The following MTSS1 variants were observed in gnomAD, a reference collection of about 807,000 sequenced individuals.
The protein encoded by MTSS1 is protein MTSS 1.
A neutral mutation model predicts 79.0 loss-of-function variants in MTSS1; 18 were observed. The ratio of observed to expected loss-of-function variants is 0.23; its 90% CI spans 0.16 to 0.34. The LOEUF (loss-of-function observed/expected upper bound fraction) is 0.34, where lower values mean the gene tolerates loss of function less well. Ranked by LOEUF, MTSS1 falls within the 10% of genes least tolerant of loss-of-function variation. The pLI is 1.00. For synonymous variants in MTSS1, 341 were observed against 368.6 expected, an observed-to-expected ratio of 0.93 and a Z score of 0.86; for missense variants, 815 against 986.2, an observed-to-expected ratio of 0.83 and a Z score of 2.33.
chr8:124,642,420 T>C (rs1238506885), intron 3 of MTSS1, among the ~76,000 whole-genome samples: 2 of 152,104 alleles, frequency 1.3e-5, no homozygotes, highest in Admixed American at 6.5e-5. Flanking sequence ...CCCTTTGAAG[T>C]TTCAGTTAGC....
At chr8:124,695,867 G>GTT (rs1337150313) in intron 3 of MTSS1, among the ~76,000 whole-genome samples, 15 of 102,694 alleles carry the variant, frequency 1.5e-4, no homozygotes, top group African/African-American at 3.7e-4. Context: ...AACTAGTGTT[G>GTT]TTTTTTTTTT....
At chr8:124,599,886 A>G (rs1335187596) in intron 3 of MTSS1, among the ~76,000 whole-genome samples, 3 of 152,320 alleles carry the variant, frequency 2.0e-5, no homozygotes, top group Non-Finnish European at 4.4e-5. Flanking sequence ...ACTATCGTCT[A>G]AATGAGCAGG....
intron 3 of MTSS1, among the ~76,000 whole-genome samples, chr8:124,640,889 G>A (rs567899656): frequency 3.9e-5 from 6 of 152,022 alleles, no homozygotes; most frequent in Non-Finnish European, 8.8e-5. Context: ...TATTTATACT[G>A]ATTGTCTCAA....
At chr8:124,642,585 T>C (rs1380533792) in intron 3 of MTSS1, among the ~76,000 whole-genome samples, 6 of 151,156 alleles carry the variant, frequency 4.0e-5, no homozygotes, top group Admixed American at 3.9e-4. Flanking sequence ...TCTGGGTTTT[T>C]TCTTTTTTCT....
At chr8:124,616,351 A>T (rs1184538893) in intron 3 of MTSS1, among the ~76,000 whole-genome samples, 1 of 145,834 alleles carries the variant, frequency 6.9e-6, no homozygotes, top group Non-Finnish European at 1.5e-5. Context: ...GCTGTTGTTA[A>T]GTGTGCCTGT....
At chr8:124,642,279 C>G (rs1056219721) in intron 3 of MTSS1, among the ~76,000 whole-genome samples, 1 of 152,196 alleles carries the variant, frequency 6.6e-6, no homozygotes, top group Non-Finnish European at 1.5e-5. Flanking sequence ...AAAGCTTTCA[C>G]TCACTGTAAA....
In MTSS1 at chr8:124,565,669, C is replaced by T. The variant is rs1365347693; in HGVS notation, c.817G>A (p.Val273Ile). The change falls in exon 9 of 14, where the codon GTC becomes ATC. Residue 273 changes from valine (V) to isoleucine (I), a missense_variant. This residue lies in a region of MTSS1 where 225 missense variants were observed against 365.4 expected (regional missense o/e 0.62). Transcript: ENST00000518547. The part of the protein sequence containing the change: ...PSTTMSRKSS[V>I]CSSLNSVNSS... ...GACCCCGGCTTCACTCACCTGCAGA[C>T]ACTGGACTTTCTGGACATGGTGGTG... is the stretch of plus-strand genomic sequence containing the variant. 1 of 1,613,846 alleles carries T rather than the reference C, an allele frequency of 6.2e-7. No individual in the cohort carries two copies. The highest frequency in any genetic ancestry group is 8.5e-7 in the Non-Finnish European group (1 of 1,179,770).
At chr8:124,706,701 C>T (rs183774990) in intron 1 of MTSS1, among the ~76,000 whole-genome samples, 98 of 152,334 alleles carry the variant, frequency 6.4e-4, no homozygotes, top group African/African-American at 2.1e-3. Flanking sequence ...CACGACATGA[C>T]CTCCATCCCA....
chr8:124,599,280 T>G (rs1833325400), intron 3 of MTSS1, among the ~76,000 whole-genome samples: 3 of 152,156 alleles, frequency 2.0e-5, no homozygotes, highest in Non-Finnish European at 4.4e-5. Flanking sequence ...GGTCAGGAGT[T>G]TGAGACCAGC....
At chr8:124,558,396 G>A (rs568141123) in intron 10 of MTSS1, among the ~76,000 whole-genome samples, 129 of 152,210 alleles carry the variant, frequency 8.5e-4, no homozygotes, top group Non-Finnish European at 1.3e-3. Flanking sequence ...TCATCCAACG[G>A]TCTGGTGGGT....
chr8:124,580,569 G>C (rs1829847790), intron 6 of MTSS1: 1 of 1,535,846 alleles, frequency 6.5e-7, no homozygotes, highest in Non-Finnish European at 8.7e-7. Context: ...TCCACTGGCG[G>C]GGGGGCACAC....
At position 124,657,870 on chromosome 8, in the gene MTSS1, T is replaced by C. The variant is rs139278309; in HGVS notation, c.208+41656A>G. On this transcript the variant is annotated intron_variant, in intron 3 of 13. Transcript: ENST00000518547. ...TACTGTGGACTAAGTGTTTGTGTCC[T>C]CCCCCAAAATTCTCATGTTGAAATC... Among the ~76,000 whole-genome samples, 520 of 152,286 alleles carry C rather than the reference T, an allele frequency of 3.4e-3. 2 individuals are homozygous for C. The highest frequency in any genetic ancestry group is 5.7e-3 in the Non-Finnish European group (386 of 68,022).
chr8:124,574,016 A>C lies in MTSS1; in HGVS notation c.461-5480T>G, dbSNP rs997926720. On this transcript the variant is annotated intron_variant, in intron 6 of 13. Transcript: ENST00000518547. ...AGGAAGGAATTTTTTTTTTTGAGAC[A>C]GAGTCTCGCTCTGTTGCCTAGGCTG... Among the ~76,000 whole-genome samples the C allele has an allele frequency of 2.6e-5, 4 of 152,068 alleles. No individual in the cohort carries two copies. In the East Asian group the frequency reaches 7.7e-4, roughly 29 times the overall value.
At chr8:124,558,488 T>C (rs7830235) in intron 10 of MTSS1, among the ~76,000 whole-genome samples, 1 of 152,046 alleles carries the variant, frequency 6.6e-6, no homozygotes, top group African/African-American at 2.4e-5. Flanking sequence ...AAATTCCCCA[T>C]ACCCCTTCCT....
At chr8:124,611,794 CA>C (rs1257209456) in intron 3 of MTSS1, among the ~76,000 whole-genome samples, 1 of 152,146 alleles carries the variant, frequency 6.6e-6, no homozygotes, top group African/African-American at 2.4e-5. Context: ...TCTACCATCC[CA>C]AAAGAAGACT....
At chr8:124,615,969 C>G (rs1033411933) in intron 3 of MTSS1, among the ~76,000 whole-genome samples, 2 of 152,170 alleles carry the variant, frequency 1.3e-5, no homozygotes, top group Non-Finnish European at 2.9e-5. Flanking sequence ...CCATGGCCTT[C>G]GACCTTCAGG....
rs747889430 is a variant in MTSS1, at chr8:124,582,028, T to C, written c.460+3059A>G. On this transcript the variant is annotated intron_variant, in intron 6 of 13. Coordinates refer to ENST00000518547, the MANE Select transcript of MTSS1 (RefSeq NM_014751.6). The surrounding 1 kb of genome is among the most constrained non-coding windows in gnomAD (Gnocchi z 4.8). The stretch of plus-strand genomic sequence containing the variant: ...GCTCCACACCATCTCCCCAGCATCC[T>C]GCCGCCTCCGTCCCTCCACCTGTCG... Among the ~76,000 whole-genome samples the C allele has an allele frequency of 2.0e-5, 3 of 152,132 alleles. No homozygotes were observed. Among genetic ancestry groups the C allele is most frequent in the African/African-American group, 4.8e-5 (2 of 41,438 alleles).
intron 1 of MTSS1, among the ~76,000 whole-genome samples, chr8:124,710,842 A>G (rs879501139): frequency 2.2e-4 from 34 of 152,190 alleles, no homozygotes; most frequent in Non-Finnish European, 3.1e-4. Context: ...AGAAAGGGCA[A>G]CTTGGGAGGA....
chr8:124,591,222 C>T lies in MTSS1; in HGVS notation c.222G>A (p.Glu74=). Residue 74 remains glutamate, a synonymous_variant, in exon 4 of 14, where the codon GAG becomes GAA. Transcript: ENST00000518547. The stretch of plus-strand genomic sequence containing the variant: ...ACATCCTGGTGAGAGCAGATCCAAT[C>T]TCCCTGGTCCCACCTGAAAAAGCAA... ...MATNTRGGTR[E]IGSALTRMCM... is the part of the protein sequence containing the mutation. The T allele has an allele frequency of 6.2e-7, 1 of 1,614,184 alleles. No individual in the cohort carries two copies. The highest frequency in any genetic ancestry group is 8.5e-7 in the Non-Finnish European group (1 of 1,180,008).
Sources: gnomAD v4.1 joint callset for allele counts (sites outside exome capture counted in the v4.1 genomes callset) on GRCh38, gnomAD v4.1.1 for gene constraint, gnomAD v4.1.1 regional missense constraint, Gnocchi (gnomAD v3.1) non-coding constraint, MANE v1.5 for transcripts, NCBI Gene and HGNC (gene_info 2026-07-23, HGNC 2026-07-21) for gene names.